Variants in STK11IP observed in about 807,000 individuals in gnomAD.
STK11IP encodes the protein serine/threonine kinase 11 interacting protein, also known as serine/threonine-protein kinase 11-interacting protein.
Under a neutral mutation model 131.7 loss-of-function variants are expected in STK11IP, and 103 were observed. That is an observed-to-expected ratio of 0.78 (90% CI 0.67 to 0.92). The LOEUF (loss-of-function observed/expected upper bound fraction) is 0.92. Among genes scored for constraint, STK11IP ranks in the 40% least tolerant of loss-of-function variants. The pLI is 0.00. For missense variants in STK11IP, 1,315 were observed against 1,385.7 expected, an observed-to-expected ratio of 0.95 and a Z score of 0.81; for synonymous variants, 557 against 575.6, an observed-to-expected ratio of 0.97 and a Z score of 0.46.
rs777895382 is a variant in STK11IP at position 219,602,488 on chromosome 2, C to T, written c.459C>T (p.Gly153=). 29 of 1,613,696 alleles carry T rather than the reference C, an allele frequency of 1.8e-5. No individual in the cohort carries two copies. The highest frequency in any genetic ancestry group is 1.1e-4 in the African/African-American group (8 of 74,910). The change falls in exon 6 of 25, where the codon GGC becomes GGT. Residue 153 remains glycine, a synonymous_variant. Coordinates refer to ENST00000456909, the MANE Select transcript of STK11IP (RefSeq NM_052902.4). ...QALEELLSAC[G]GDFCSALPWL... is the part of the protein sequence containing the mutation. Reference sequence around the variant, plus strand: ...CTCAGGAGCTCCTCTCAGCCTGCGGCGGCGACTTCTGCTCTGCCCTCCCTT... The same window carrying T: ...CTCAGGAGCTCCTCTCAGCCTGCGGTGGCGACTTCTGCTCTGCCCTCCCTT...
At chr2:219,615,574 TTTAGCTGG>T in intron 24 of STK11IP, 1 of 662,916 alleles carries the variant, frequency 1.5e-6, no homozygotes, top group Non-Finnish European at 2.7e-6. Context: ...AGCCCAGCCA[TTTAGCTGG>T]GCCACGAGGC....
Position 219,608,356 on chromosome 2 carries a change from G to T in STK11IP, c.1529G>T (p.Gly510Val). The stretch of plus-strand genomic sequence containing the variant: ...GAGGGGAAGGAGGAGAAGGAGGAGG[G>T]GGAGATGGTGGAACAGGGAGAAGAG... ...EKEGKEEKEE[G>V]EMVEQGEEEA... The change falls in exon 14 of 25, where the codon GGG becomes GTG. Residue 510 changes from glycine to valine, a missense_variant. Coordinates refer to ENST00000456909, the MANE Select transcript of STK11IP (RefSeq NM_052902.4). 6.3e-7 allele frequency: 1 copy of T among 1,584,078 alleles called. No homozygotes were observed. The highest frequency in any genetic ancestry group is 1.1e-5 in the South Asian group (1 of 87,846).
chr2:219,601,853 T>C (rs983431129), intron 4 of STK11IP, 135 bp from the exon 5 acceptor site: 9 of 1,240,712 alleles, frequency 7.3e-6, no homozygotes, highest in Non-Finnish European at 1.0e-5. Context: ...TGATATCCAC[T>C]GTCTTTCCAT....
At position 219,602,049 on chromosome 2, in the gene STK11IP, C is replaced by G. The variant is rs763981535; in HGVS notation, c.404C>G (p.Thr135Ser). 6.3e-5 allele frequency: 101 copies of G among 1,610,510 alleles called. 1 individual carries two copies. Among genetic ancestry groups the G allele is most frequent in the Non-Finnish European group, 8.1e-5 (95 of 1,178,626 alleles). Residue 135 changes from threonine (T) to serine (S), a missense_variant, in exon 5 of 25, where the codon ACC (threonine) becomes AGC (serine). Coordinates refer to ENST00000456909, the MANE Select transcript of STK11IP (RefSeq NM_052902.4). Reference sequence around the variant, plus strand: ...CGAGGCATCTACTCCCAGCTGGAGACCCTGATTTGCAGCAGGAGCCTCCAG... The same window carrying G: ...CGAGGCATCTACTCCCAGCTGGAGAGCCTGATTTGCAGCAGGAGCCTCCAG... ...GLRGIYSQLE[T>S]LICSRSLQAL...
At chr2:219,601,199 C>A (rs1448392450) in intron 2 of STK11IP, 36 bp from the exon 3 acceptor site, 1 of 1,562,792 alleles carries the variant, frequency 6.4e-7, no homozygotes. Context: ...AATCTTTTCA[C>A]TGTGTCTTCC....
Position 219,616,113 on chromosome 2 carries a change from T to A in STK11IP, c.3187T>A (p.Trp1063Arg). ...GGAGCAGCTGACAGCCCTGCTTGCC[T>A]GGATCCGGGAACCATGGGAGGAGCT... is the stretch of plus-strand genomic sequence containing the variant. ...CQEQLTALLA[W>R]IREPWEELFS... Residue 1063 changes from tryptophan to arginine, a missense_variant, in exon 25 of 25, where the codon TGG becomes AGG. Transcript: ENST00000456909. 1 of 1,613,870 alleles carries A rather than the reference T, an allele frequency of 6.2e-7. No individual in the cohort carries two copies. Among genetic ancestry groups the A allele is most frequent in the Non-Finnish European group, 8.5e-7 (1 of 1,179,888 alleles).
chr2:219,612,881 G>A (rs1271798367), intron 19 of STK11IP, among the ~76,000 whole-genome samples: 1 of 152,202 alleles, frequency 6.6e-6, no homozygotes, highest in African/African-American at 2.4e-5. Context: ...TTAGTCTGGC[G>A]GAGCGTGGAG....
Position 219,608,305 on chromosome 2 carries a change from A to G in STK11IP, c.1478A>G (p.Glu493Gly). 7 of 1,609,430 alleles carry G rather than the reference A, an allele frequency of 4.3e-6. No individual in the cohort carries two copies. The highest frequency in any genetic ancestry group is 5.9e-6 in the Non-Finnish European group (7 of 1,177,982). ...PQKMSEEVRA[E>G]PQEEEEEKEG... Reference sequence around the variant, plus strand: ...AAAATGTCAGAGGAGGTCAGGGCGGAGCCACAGGAGGAGGAAGAGGAGAAG... The same window carrying G: ...AAAATGTCAGAGGAGGTCAGGGCGGGGCCACAGGAGGAGGAAGAGGAGAAG... The change falls in exon 14 of 25, where the codon GAG becomes GGG. Residue 493 changes from glutamate (E) to glycine (G), a missense_variant. Glu to Gly is a moderately conservative substitution (Grantham distance 98). Transcript: ENST00000456909.
At chr2:219,610,556 C>G (rs532861331) in intron 17 of STK11IP, among the ~76,000 whole-genome samples, 9 of 152,310 alleles carry the variant, frequency 5.9e-5, no homozygotes, top group African/African-American at 2.2e-4. Flanking sequence ...GCGCCCACCA[C>G]CACACCCAGC....
At chr2:219,605,489 C>G in intron 7 of STK11IP, 119 bp from the exon 8 acceptor site, 1 of 918,916 alleles carries the variant, frequency 1.1e-6, no homozygotes, top group East Asian at 2.7e-5. Flanking sequence ...ATCATTTGTG[C>G]TGAGTGTGTG....
At chr2:219,606,959 G>A in intron 12 of STK11IP, 94 bp from the exon 13 acceptor site, 1 of 1,596,758 alleles carries the variant, frequency 6.3e-7, no homozygotes, top group East Asian at 2.3e-5. Flanking sequence ...GCTTGCACGT[G>A]GTCAAGGTTT....
intron 15 of STK11IP, 82 bp from the exon 16 acceptor site, chr2:219,609,015 A>G (rs557670212): frequency 1.4e-5 from 16 of 1,179,864 alleles, no homozygotes; most frequent in South Asian, 8.3e-5. Context: ...AGGTCCTGCC[A>G]TCCTCCATGC....
Position 219,605,921 on chromosome 2 carries a change from C to G in STK11IP, c.746-35C>G, listed in dbSNP as rs765433173. On this transcript the variant is annotated intron_variant, in intron 8 of 24. Coordinates refer to ENST00000456909, the MANE Select transcript of STK11IP (RefSeq NM_052902.4). ...CCACACTCACTTGCGTGTACTCATC[C>G]ACATGCTCTTCCTTCCTTCTTGCGT... 5 of 1,551,556 alleles carry G rather than the reference C, an allele frequency of 3.2e-6. No homozygotes were observed. In the Middle Eastern group the frequency reaches 5.1e-4, roughly 158 times the overall value.
rs1315153755 is a variant in STK11IP, at chr2:219,597,894, G to C, written c.-56G>C. The stretch of plus-strand genomic sequence containing the variant: ...TCATTGATAGGCGCCGGGCAGCTGA[G>C]CTGGTAGGAGGACCAGACGGGGAGG... On this transcript the variant is annotated 5_prime_UTR_variant, in exon 1 of 25. Coordinates refer to ENST00000456909, the MANE Select transcript of STK11IP (RefSeq NM_052902.4). 1.6e-5 allele frequency: 26 copies of C among 1,610,688 alleles called. No homozygotes were observed. The highest frequency in any genetic ancestry group is 2.0e-5 in the Non-Finnish European group (23 of 1,178,482).
intron 3 of STK11IP, 72 bp downstream of exon 3, chr2:219,601,512 G>T: frequency 6.4e-7 from 1 of 1,573,224 alleles, no homozygotes; most frequent in East Asian, 2.3e-5. Context: ...GATAGGGTAG[G>T]GGTGCAGAAG....
At chr2:219,598,226 T>TG (rs1697861936) in intron 2 of STK11IP, 46 bp downstream of exon 2, 2 of 1,411,162 alleles carry the variant, frequency 1.4e-6, no homozygotes, top group African/African-American at 1.4e-5. Flanking sequence ...TCGGACGAGG[T>TG]GGGGGTGGTG....
chr2:219,608,514 C>T, intron 14 of STK11IP, 69 bp from the exon 15 acceptor site: 1 of 1,536,650 alleles, frequency 6.5e-7, no homozygotes, highest in Non-Finnish European at 8.8e-7. Context: ...GGTGGAGGGC[C>T]AGTTCGGGGG....
chr2:219,604,965 G>A (rs1698102099), intron 7 of STK11IP, among the ~76,000 whole-genome samples: 1 of 152,170 alleles, frequency 6.6e-6, no homozygotes, highest in South Asian at 2.1e-4. Context: ...AAGTAGCTGG[G>A]ATTACAAGTG....
At chr2:219,605,928 TCTTC>T (rs1328044660) in intron 8 of STK11IP, 24 bp from the exon 9 acceptor site, 6 of 1,567,214 alleles carry the variant, frequency 3.8e-6, no homozygotes, top group Non-Finnish European at 5.2e-6. Flanking sequence ...ATCCACATGC[TCTTC>T]CTTCCTTCTT....
Sources: allele counts gnomAD v4.1 joint callset (sites outside exome capture counted in the v4.1 genomes callset), GRCh38; gene constraint gnomAD v4.1.1; transcripts MANE v1.5; gene names NCBI Gene and HGNC (gene_info 2026-07-23, HGNC 2026-07-21).